The following TLE2 variants were observed in gnomAD, a reference collection of about 807,000 sequenced individuals.
The protein encoded by TLE2 is transducin-like enhancer protein 2.
A neutral mutation model predicts 97.2 loss-of-function variants in TLE2; 74 were observed. The observed-to-expected ratio is 0.76, with a 90% confidence interval of 0.63 to 0.92. The LOEUF is 0.92. Ranked by LOEUF, TLE2 falls within the 40% of genes least tolerant of loss-of-function variation. TLE2 has a pLI of 0.00. For missense variants in TLE2, 1,038 were observed against 1,008.7 expected (o/e 1.03, Z -0.39); for synonymous variants, 499 against 432.1 (o/e 1.15, Z -1.92).
chr19:3,002,558 A>G, intron 17 of TLE2, 55 bp from the exon 18 acceptor site: 1 of 1,532,488 alleles, frequency 6.5e-7, no homozygotes, highest in South Asian at 1.2e-5. Flanking sequence ...TTTTGTGTTG[A>G]GACAGGGTCT....
intron 15 of TLE2, 47 bp from the exon 16 acceptor site, chr19:3,006,015 G>A (rs761858295): frequency 1.9e-6 from 3 of 1,604,312 alleles, no homozygotes; most frequent in East Asian, 2.2e-5. Flanking sequence ...TCCCAGGTGA[G>A]GTCTCTAGGA....
rs900557070 is a variant in TLE2, at chr19:3,006,359, T to C, written c.1500+61A>G. 6 of 1,569,256 alleles carry C rather than the reference T, an allele frequency of 3.8e-6. No homozygotes were observed. The African/African-American group carries it at 8.1e-5, about 21-fold the overall frequency. Reference sequence around the variant, plus strand: ...CGGCCAGCCTGCGAACACCGCCCCATTGGAACATAAGCCCCACCCCTCACC... The same window carrying C: ...CGGCCAGCCTGCGAACACCGCCCCACTGGAACATAAGCCCCACCCCTCACC... On this transcript the variant is annotated intron_variant, in intron 15 of 19. Transcript: ENST00000262953.
chr19:3,035,736 G>T (rs556352605), intron 1 of TLE2, among the ~76,000 whole-genome samples: 11 of 152,310 alleles, frequency 7.2e-5, no homozygotes, highest in South Asian at 2.1e-4. Flanking sequence ...GGGATTAGGA[G>T]ACCAGCAACC....
chr19:3,017,850 G>A lies in TLE2; in HGVS notation c.560C>T (p.Ala187Val), dbSNP rs1459896300. ...GTGCCACTCACTTACCCTGCTCGGGGCTCTCTCCACTGACAGATTGGGAAT... is the reference window on the plus strand; with the variant it reads ...GTGCCACTCACTTACCCTGCTCGGGACTCTCTCCACTGACAGATTGGGAAT... ...VEAEGSRVER[A>V]PSRSASPSPP... The change falls in exon 8 of 20, where the codon GCC becomes GTC. Residue 187 changes from alanine to valine, a missense_variant. Physicochemically the swap from Ala to Val is moderately conservative, Grantham distance 64. Transcript: ENST00000262953. 3 of 1,612,188 alleles carry A rather than the reference G, an allele frequency of 1.9e-6. No individual in the cohort carries two copies. The highest frequency in any genetic ancestry group is 1.7e-6 in the Non-Finnish European group (2 of 1,179,164).
chr19:3,024,062 C>T (rs1785741840), intron 5 of TLE2, among the ~76,000 whole-genome samples: 1 of 144,172 alleles, frequency 6.9e-6, no homozygotes, highest in African/African-American at 2.6e-5. Context: ...GCGGCGCAAT[C>T]TCTGCTCACT....
chr19:3,002,146 A>G (rs2089376274), intron 18 of TLE2, among the ~76,000 whole-genome samples: 1 of 152,184 alleles, frequency 6.6e-6, no homozygotes, highest in Non-Finnish European at 1.5e-5. Flanking sequence ...GGACAGGTAT[A>G]TCCCAAATAC....
chr19:3,026,491 A>G (rs1599243255), intron 4 of TLE2, among the ~76,000 whole-genome samples: 2 of 151,352 alleles, frequency 1.3e-5, no homozygotes, highest in African/African-American at 4.9e-5. Flanking sequence ...CTTTAGGTCT[A>G]TCTCAGAACC....
intron 1 of TLE2, among the ~76,000 whole-genome samples, chr19:3,040,539 A>G (rs2090092631): frequency 6.6e-6 from 1 of 151,832 alleles, no homozygotes; most frequent in Non-Finnish European, 1.5e-5. Flanking sequence ...GGGTTTCACC[A>G]TGTTACCCAG....
At chr19:3,000,836 T>TG in intron 18 of TLE2, 113 bp from the exon 19 acceptor site, 1 of 740,280 alleles carries the variant, frequency 1.4e-6, no homozygotes, top group Non-Finnish European at 2.2e-6. Flanking sequence ...TTTTTTTTTT[T>TG]TTTTTCCAAG....
chr19:3,047,237 G>C (rs986737519), upstream of TLE2, among the ~76,000 whole-genome samples: 204 of 132,722 alleles, frequency 1.5e-3, no homozygotes, highest in Non-Finnish European at 2.5e-3. Flanking sequence ...CGATCAATTA[G>C]CCGAGGTCGC....
At chr19:2,998,387 C>G (rs1350126284) in intron 19 of TLE2, among the ~76,000 whole-genome samples, 1 of 151,854 alleles carries the variant, frequency 6.6e-6, no homozygotes, top group Non-Finnish European at 1.5e-5. Flanking sequence ...AGGCAATCCT[C>G]CTGTCTCGAA....
chr19:3,015,572 C>T (rs2089683924), intron 9 of TLE2, 81 bp downstream of exon 9: 1 of 1,125,778 alleles, frequency 8.9e-7, no homozygotes, highest in African/African-American at 1.5e-5. Flanking sequence ...ATGGCCAGAG[C>T]TGGGCTCTGG....
At chr19:3,017,294 CGT>C in intron 8 of TLE2, among the ~76,000 whole-genome samples, 1 of 151,754 alleles carries the variant, frequency 6.6e-6, no homozygotes, top group Non-Finnish European at 1.5e-5. Flanking sequence ...CCCGCCGCCA[CGT>C]TTGGCTAATT....
At chr19:3,033,262 G>T (rs2090039847), upstream of TLE2, among the ~76,000 whole-genome samples, 3 of 152,076 alleles carry the variant, frequency 2.0e-5, no homozygotes, top group South Asian at 6.2e-4. Context: ...CTGCCTCCCA[G>T]GTTCACACCA....
chr19:3,019,793 A>C lies in TLE2; in HGVS notation c.295-20T>G, dbSNP rs1460604789. On this transcript the variant is annotated intron_variant, in intron 5 of 19. Coordinates refer to ENST00000262953, the MANE Select transcript of TLE2 (RefSeq NM_003260.5). This position sits in a 1 kb window ranked among gnomAD's most constrained non-coding sequence, Gnocchi z 5.1. ...CTGATGCTGGCGGGTGGAAGGGATC[A>C]GGTAGAGGGTACATTGAGCCCCTGC... is the stretch of plus-strand genomic sequence containing the variant. The C allele has an allele frequency of 6.2e-7, 1 of 1,607,568 alleles. No homozygotes were observed.
Position 3,013,781 on chromosome 19 carries a change from G to C in TLE2, c.761C>G (p.Pro254Arg). ...PSEPPSPATTPCGKVPICIPA... is the reference protein window; with the variant it reads ...PSEPPSPATTRCGKVPICIPA... ...AATGCAGATGGGTACCTTTCCGCAG[G>C]GGGTGGTAGCCGGGCTGGGGGGCTC... Residue 254 changes from proline to arginine, a missense_variant, in exon 11 of 20, where the codon CCC becomes CGC. Physicochemically the swap from Pro to Arg is moderately radical, Grantham distance 103. Transcript: ENST00000262953. 4 of 1,560,304 alleles carry C rather than the reference G, an allele frequency of 2.6e-6. No homozygotes were observed. The highest frequency in any genetic ancestry group is 2.6e-6 in the Non-Finnish European group (3 of 1,156,330).
chr19:3,028,238 G>T, intron 3 of TLE2, 81 bp downstream of exon 3: 1 of 1,417,984 alleles, frequency 7.1e-7, no homozygotes, highest in Non-Finnish European at 9.8e-7. Context: ...TCGGAGTGGG[G>T]CAGGGACCTA....
At chr19:3,025,624 G>A in intron 4 of TLE2, 1 of 985,898 alleles carries the variant, frequency 1.0e-6, no homozygotes, top group Non-Finnish European at 1.2e-6. Context: ...TCTGGAGAGG[G>A]TCTGGGCCCA....
chr19:3,023,936 G>T (rs2089896031), intron 5 of TLE2, among the ~76,000 whole-genome samples: 1 of 150,880 alleles, frequency 6.6e-6, no homozygotes, highest in Non-Finnish European at 1.5e-5. Flanking sequence ...AAAAGAAACA[G>T]GGACTGTGCA....
Sources: gnomAD v4.1 joint callset for allele counts (sites outside exome capture counted in the v4.1 genomes callset) on GRCh38, gnomAD v4.1.1 for gene constraint, Gnocchi (gnomAD v3.1) non-coding constraint, MANE v1.5 for transcripts, NCBI Gene and HGNC (gene_info 2026-07-23, HGNC 2026-07-21) for gene names.